The following PRKCH variants were observed in gnomAD, a reference collection of about 807,000 sequenced individuals.
PRKCH encodes protein kinase C eta type.
In PRKCH, 28 loss-of-function variants were observed where a neutral mutation model predicts 82.5. The observed-to-expected ratio is 0.34, with a 90% CI of 0.25 to 0.47. The LOEUF is 0.47. Among genes scored for constraint, PRKCH ranks in the 20% least tolerant of loss-of-function variants. PRKCH has a pLI of 1.00. For missense variants in PRKCH, 705 were observed against 881.8 expected, an observed-to-expected ratio of 0.80 and a Z score of 2.54; for synonymous variants, 322 against 327.4, an observed-to-expected ratio of 0.98 and a Z score of 0.18.
At chr14:61,419,044 C>T (rs563003715) in intron 2 of PRKCH, among the ~76,000 whole-genome samples, 3 of 152,248 alleles carry the variant, frequency 2.0e-5, no homozygotes, top group Admixed American at 6.5e-5. Flanking sequence ...GCTTGCCTGC[C>T]GTTATGTCCT....
At chr14:61,229,825 A>G (rs999598969) in intron 1 of PRKCH, among the ~76,000 whole-genome samples, 1 of 152,148 alleles carries the variant, frequency 6.6e-6, no homozygotes, top group Non-Finnish European at 1.5e-5. Context: ...GCTTCTTTCC[A>G]AGGATCAAGC....
chr14:61,525,649 A>G (rs2042956021), intron 10 of PRKCH: 1 of 152,270 alleles, frequency 6.6e-6, no homozygotes, highest in Non-Finnish European at 1.5e-5. Context: ...TACCTGGGAC[A>G]TTAGTCACAA....
At chr14:61,358,430 T>A (rs1193504979) in intron 1 of PRKCH, among the ~76,000 whole-genome samples, 1 of 152,216 alleles carries the variant, frequency 6.6e-6, no homozygotes. Flanking sequence ...AGTTACCCAG[T>A]GTGGCTGATT....
At chr14:61,334,319 A>C (rs1387905397) in intron 1 of PRKCH, among the ~76,000 whole-genome samples, 1 of 152,178 alleles carries the variant, frequency 6.6e-6, no homozygotes, top group African/African-American at 2.4e-5. Flanking sequence ...GATAACAAGC[A>C]GGCAAACGCA....
chr14:61,237,285 G>A (rs1195696997), intron 1 of PRKCH, among the ~76,000 whole-genome samples: 1 of 150,832 alleles, frequency 6.6e-6, no homozygotes, highest in African/African-American at 2.4e-5. Flanking sequence ...CCTAACTCTA[G>A]TATAGCATCA....
At chr14:61,409,930 C>T (rs1394109127) in intron 2 of PRKCH, among the ~76,000 whole-genome samples, 3 of 152,108 alleles carry the variant, frequency 2.0e-5, no homozygotes, top group Admixed American at 2.0e-4. Flanking sequence ...GGTTTGGTCA[C>T]CAGCCTGATG....
At chr14:61,294,392 T>C (rs1009516642) in intron 1 of PRKCH, among the ~76,000 whole-genome samples, 1 of 152,144 alleles carries the variant, frequency 6.6e-6, no homozygotes, top group Non-Finnish European at 1.5e-5. Context: ...AGTGTTGGGA[T>C]TACAGGCGTG....
rs769745387 is a variant in PRKCH, at chr14:61,457,266, G to A, written c.1051G>A (p.Gly351Ser). 8 of 1,614,064 alleles carry A rather than the reference G, an allele frequency of 5.0e-6. No homozygotes were observed. The South Asian group carries it at 7.7e-5, about 16-fold the overall frequency. The change falls in exon 8 of 14, where the codon GGT (glycine) becomes AGT (serine). Residue 351 changes from glycine to serine, a missense_variant. Physicochemically the swap from Gly to Ser is moderately conservative, Grantham distance 56. Coordinates refer to ENST00000332981, the MANE Select transcript of PRKCH (RefSeq NM_006255.5). ...GIGVNSSNRL[G>S]IDNFEFIRVL... ...TGGGGTTAATTCTTCCAACCGACTT[G>A]GTATCGACAACTTTGAGTTCATCCG...
chr14:61,380,546 G>A (rs914195937), intron 1 of PRKCH, among the ~76,000 whole-genome samples: 3 of 152,168 alleles, frequency 2.0e-5, no homozygotes, highest in Non-Finnish European at 2.9e-5. Context: ...GGACCTGATG[G>A]GCTGGGCTTG....
intron 1 of PRKCH, among the ~76,000 whole-genome samples, chr14:61,217,431 TAAA>T (rs1356722777): frequency 1.3e-5 from 2 of 151,834 alleles, no homozygotes; most frequent in East Asian, 3.9e-4. Context: ...ATAAATAAGA[TAAA>T]AAATAAAAGA....
chr14:61,222,972 C>CA (rs1555369880), intron 1 of PRKCH, among the ~76,000 whole-genome samples: 1 of 151,430 alleles, frequency 6.6e-6, no homozygotes, highest in Non-Finnish European at 1.5e-5. Context: ...GTCAGGACGC[C>CA]TTTTTTTTTC....
Position 61,244,225 on chromosome 14 carries a change from G to A in PRKCH, c.-19+56557G>A, listed in dbSNP as rs1029945420. Reference sequence around the variant, plus strand: ...ACAATTCAATTCCCAGACCAGCTGCGGTCAAAATACAGCTGAACAAACGAC... The same window carrying A: ...ACAATTCAATTCCCAGACCAGCTGCAGTCAAAATACAGCTGAACAAACGAC... On this transcript the variant is annotated intron_variant, in intron 1 of 3. Coordinates refer to the PRKCH transcript ENST00000555185. 1.3e-5 allele frequency among the ~76,000 whole-genome samples: 2 copies of A among 152,020 alleles called. 1 individual carries two copies.
At chr14:61,288,907 G>GA (rs1342685252) in intron 1 of PRKCH, among the ~76,000 whole-genome samples, 1 of 152,222 alleles carries the variant, frequency 6.6e-6, no homozygotes, top group Non-Finnish European at 1.5e-5. Flanking sequence ...GTCACAGAAG[G>GA]AAGAATTGAA....
intron 9 of PRKCH, among the ~76,000 whole-genome samples, chr14:61,473,909 G>C (rs368310630): frequency 6.6e-6 from 1 of 151,842 alleles, no homozygotes; most frequent in African/African-American, 2.4e-5. Context: ...AGGGAGAATC[G>C]CTTGCACCCG....
intron 10 of PRKCH, among the ~76,000 whole-genome samples, chr14:61,513,563 A>G (rs960601351): frequency 2.6e-5 from 4 of 152,122 alleles, no homozygotes; most frequent in Non-Finnish European, 4.4e-5. Context: ...ATGTGTTTTA[A>G]TTTTTCCTTT....
At chr14:61,262,259 A>G (rs2045054833) in intron 1 of PRKCH, among the ~76,000 whole-genome samples, 1 of 151,316 alleles carries the variant, frequency 6.6e-6, no homozygotes. Context: ...ATTACTCATA[A>G]TAGCTCCAAA....
At chr14:61,408,381 G>A (rs926718200) in intron 2 of PRKCH, among the ~76,000 whole-genome samples, 11 of 152,088 alleles carry the variant, frequency 7.2e-5, no homozygotes, top group Admixed American at 4.6e-4. Context: ...TTCCCTGAAT[G>A]CCCCCCAAAA....
Position 61,280,864 on chromosome 14 carries a change from G to A in PRKCH, c.-19+93196G>A. On this transcript the variant is annotated intron_variant, in intron 1 of 3. Transcript: ENST00000555185. The surrounding 1 kb of genome is among the most constrained non-coding windows in gnomAD (Gnocchi z 5.0). ...GAGCTCGGGCAGCGAGAAGTACCAGGCGCACGAGCAGGGGGGCGGCAGCGC... is the reference window on the plus strand; with the variant it reads ...GAGCTCGGGCAGCGAGAAGTACCAGACGCACGAGCAGGGGGGCGGCAGCGC... The A allele has an allele frequency of 6.4e-7, 1 of 1,568,820 alleles. No individual in the cohort carries two copies. The highest frequency in any genetic ancestry group is 8.6e-7 in the Non-Finnish European group (1 of 1,165,532).
intron 1 of PRKCH, among the ~76,000 whole-genome samples, chr14:61,210,295 C>CA (rs1242946104): frequency 6.6e-6 from 1 of 151,528 alleles, no homozygotes; most frequent in Non-Finnish European, 1.5e-5. Flanking sequence ...GCCTGAGTGA[C>CA]AGAGCTAGAC....
Sources: allele counts gnomAD v4.1 joint callset (sites outside exome capture counted in the v4.1 genomes callset), GRCh38; gene constraint gnomAD v4.1.1; non-coding constraint Gnocchi (gnomAD v3.1); transcripts MANE v1.5; gene names NCBI Gene and HGNC (gene_info 2026-07-23, HGNC 2026-07-21).